Variants in RPH3A observed in about 807,000 individuals in gnomAD.
The protein encoded by RPH3A is rabphilin 3A, also known as rabphilin-3A.
Under a neutral mutation model 102.2 loss-of-function variants are expected in RPH3A, and 48 were observed. The observed-to-expected ratio is 0.47, with a 90% CI of 0.37 to 0.60. The LOEUF is 0.60. RPH3A is among the 20% of genes least tolerant of loss of function. The pLI is 0.00. For missense variants in RPH3A, 781 were observed against 910.1 expected (o/e 0.86, Z 1.83); for synonymous variants, 310 against 324.3 (o/e 0.96, Z 0.47).
At chr12:112,585,272 T>C (rs1441214825) in intron 1 of RPH3A, among the ~76,000 whole-genome samples, 3 of 152,160 alleles carry the variant, frequency 2.0e-5, no homozygotes, top group Non-Finnish European at 2.9e-5. Context: ...GTTATATCCA[T>C]TGGCAACACC....
chr12:112,783,192 C>T (rs946228704), intron 1 of RPH3A, among the ~76,000 whole-genome samples: 7 of 152,222 alleles, frequency 4.6e-5, no homozygotes, highest in African/African-American at 1.2e-4. Context: ...GTTAGGATTA[C>T]GTAAGTGTGA....
intron 1 of RPH3A, among the ~76,000 whole-genome samples, chr12:112,660,291 T>C (rs2040040790): frequency 6.6e-6 from 1 of 152,192 alleles, no homozygotes; most frequent in South Asian, 2.1e-4. Flanking sequence ...TCTAGTTTTC[T>C]CCCTTTCTAT....
intron 1 of RPH3A, among the ~76,000 whole-genome samples, chr12:112,586,058 A>G (rs900381902): frequency 6.6e-6 from 1 of 152,142 alleles, no homozygotes; most frequent in Admixed American, 6.5e-5. Flanking sequence ...TAAAAAGAAG[A>G]AAAAAATCCA....
At chr12:112,783,771 C>T (rs1387243674) in intron 1 of RPH3A, among the ~76,000 whole-genome samples, 4 of 152,140 alleles carry the variant, frequency 2.6e-5, no homozygotes. Flanking sequence ...GAGTGGAAAA[C>T]GTGGGACTCA....
At chr12:112,594,149 A>C (rs1435769055) in intron 1 of RPH3A, among the ~76,000 whole-genome samples, 1 of 152,102 alleles carries the variant, frequency 6.6e-6, no homozygotes, top group East Asian at 1.9e-4. Flanking sequence ...CAATAGTTTT[A>C]TCTCTCTGAC....
At chr12:112,814,880 T>C (rs1356153887) in intron 2 of RPH3A, among the ~76,000 whole-genome samples, 2 of 152,222 alleles carry the variant, frequency 1.3e-5, no homozygotes, top group African/African-American at 2.4e-5. Context: ...GATAGTGAGC[T>C]GGCCAAGAAC....
At chr12:112,655,725 C>A (rs2040006811) in intron 1 of RPH3A, among the ~76,000 whole-genome samples, 1 of 151,916 alleles carries the variant, frequency 6.6e-6, no homozygotes, top group Non-Finnish European at 1.5e-5. Flanking sequence ...TGCATACCAC[C>A]ATGCTTGGCA....
At position 112,668,066 on chromosome 12, in the gene RPH3A, C is replaced by T. The variant is rs2040100308; in HGVS notation, c.-140+92747C>T. On this transcript the variant is annotated intron_variant, in intron 1 of 21. Coordinates refer to the RPH3A transcript ENST00000543106. ...AAGATCACCCCCATGTTATACACTT[C>T]CATGGCTTCATTCATAGCCCCACTG... is the stretch of plus-strand genomic sequence containing the variant. Among the ~76,000 whole-genome samples the T allele has an allele frequency of 2.6e-5, 4 of 152,298 alleles. No individual in the cohort carries two copies. The South Asian group carries it at 8.3e-4, about 32-fold the overall frequency.
intron 1 of RPH3A, among the ~76,000 whole-genome samples, chr12:112,576,935 T>G (rs1366354975): frequency 7.1e-6 from 1 of 140,572 alleles, no homozygotes; most frequent in Non-Finnish European, 1.5e-5. Flanking sequence ...AGATAGAGTC[T>G]CTCTCTGTCA....
chr12:112,698,695 T>A (rs1214366851), intron 1 of RPH3A, among the ~76,000 whole-genome samples: 1 of 152,254 alleles, frequency 6.6e-6, no homozygotes, highest in East Asian at 1.9e-4. Flanking sequence ...AGATGGCTTT[T>A]GAAAACAGAT....
chr12:112,692,612 A>G (rs2040314982), intron 1 of RPH3A, among the ~76,000 whole-genome samples: 1 of 151,972 alleles, frequency 6.6e-6, no homozygotes, highest in South Asian at 2.1e-4. Flanking sequence ...GTGAACACCA[A>G]TTTGTCTGAT....
At chr12:112,772,992 T>G (rs2040937951) in intron 1 of RPH3A, among the ~76,000 whole-genome samples, 1 of 152,150 alleles carries the variant, frequency 6.6e-6, no homozygotes. Flanking sequence ...ATGTTTGGTT[T>G]TCCATTGCTG....
intron 1 of RPH3A, among the ~76,000 whole-genome samples, chr12:112,598,448 T>A (rs2135967275): frequency 6.6e-6 from 1 of 152,320 alleles, no homozygotes; most frequent in South Asian, 2.1e-4. Context: ...TCCCCCTGAA[T>A]GATACTGGTT....
At chr12:112,747,215 G>T (rs1846710526) in intron 1 of RPH3A, among the ~76,000 whole-genome samples, 1 of 152,114 alleles carries the variant, frequency 6.6e-6, no homozygotes, top group South Asian at 2.1e-4. Flanking sequence ...TGGTGTTAGG[G>T]TAGTGGGACT....
rs985316067 is a variant in RPH3A at position 112,890,865 on chromosome 12, G to C, written c.1637G>C (p.Gly546Ala). The change falls in exon 19 of 22, where the codon GGT (glycine) becomes GCT (alanine). Residue 546 changes from glycine (G) to alanine (A), a missense_variant. Gly to Ala is a moderately conservative substitution (Grantham distance 60). Around this residue, in one of 2 missense-constraint regions of RPH3A, gnomAD observed 730 missense variants for 810.0 expected, o/e 0.90. Transcript: ENST00000389385. The stretch of plus-strand genomic sequence containing the variant: ...CCAATGCAGCAGGTGGAGCGTGTTG[G>C]TGACATCGAGGAGCGTGGCAAGATC... The part of the protein sequence containing the change: ...LYEEEQVERV[G>A]DIEERGKILV... 11 of 1,613,758 alleles carry C rather than the reference G, an allele frequency of 6.8e-6. No individual in the cohort carries two copies. In the African/African-American group the frequency reaches 1.1e-4, roughly 16 times the overall value.
chr12:112,876,851 GA>G lies in RPH3A; in HGVS notation c.1157del (p.Asp386ValfsTer34). On this transcript the variant is annotated frameshift_variant, in exon 13 of 22. Transcript: ENST00000389385. LOFTEE classifies it high-confidence loss of function. Reference protein sequence around the residue: ...EEEEEEANSYDSDEATTLGAL... With the variant: ...EEEEEEANSYXSDEATTLGAL... ...GGAGGAAGAGGAAGCCAACAGCTACGATTCGGATGAAGCAAGTAGGTGGTGC... is the reference window on the plus strand; with the variant it reads ...GGAGGAAGAGGAAGCCAACAGCTACGTTCGGATGAAGCAAGTAGGTGGTGC... The G allele has an allele frequency of 6.2e-7, 1 of 1,601,286 alleles. No individual in the cohort carries two copies. Among genetic ancestry groups the G allele is most frequent in the Non-Finnish European group, 8.5e-7 (1 of 1,172,802 alleles).
At chr12:112,785,731 A>G (rs573125675) in intron 1 of RPH3A, among the ~76,000 whole-genome samples, 1 of 152,310 alleles carries the variant, frequency 6.6e-6, no homozygotes. Context: ...AACTTCCTCA[A>G]GGTCACACAG....
At chr12:112,612,170 G>T (rs1018997137) in intron 1 of RPH3A, among the ~76,000 whole-genome samples, 9 of 152,044 alleles carry the variant, frequency 5.9e-5, no homozygotes, top group African/African-American at 1.2e-4. Flanking sequence ...AATATTTTTT[G>T]GGGGGGTGGG....
At chr12:112,576,841 CTT>C (rs200480621) in intron 1 of RPH3A, among the ~76,000 whole-genome samples, 3 of 139,186 alleles carry the variant, frequency 2.2e-5, no homozygotes, top group South Asian at 2.3e-4. Context: ...TCTTATAAAA[CTT>C]TTTTTTTTTT....
Sources: allele counts gnomAD v4.1 joint callset (sites outside exome capture counted in the v4.1 genomes callset), GRCh38; gene constraint gnomAD v4.1.1; regional missense constraint gnomAD v4.1.1; transcripts MANE v1.5; gene names NCBI Gene and HGNC (gene_info 2026-07-23, HGNC 2026-07-21).